PCDHGA6: variants seen among roughly 807,000 people sequenced by gnomAD.
PCDHGA6 encodes protocadherin gamma-A6.
A neutral mutation model predicts 60.6 loss-of-function variants in PCDHGA6; 41 were observed. That is an observed-to-expected ratio of 0.68 (90% CI 0.53 to 0.88). The LOEUF (loss-of-function observed/expected upper bound fraction) is 0.88. Among genes scored for constraint, PCDHGA6 ranks in the 40% least tolerant of loss-of-function variants. PCDHGA6 has a pLI of 0.00. For missense variants in PCDHGA6, 1,312 were observed against 1,203.0 expected (o/e 1.09, Z -1.34); for synonymous variants, 594 against 524.4 (o/e 1.13, Z -1.81).
chr5:141,418,081 C>T lies in PCDHGA6; in HGVS notation c.2424+41574C>T, dbSNP rs190197904. On this transcript the variant is annotated intron_variant, in intron 1 of 3. Transcript: ENST00000517434. Reference sequence around the variant, plus strand: ...TGCGAGTGAGCGCGGAGAAGCTGCACTTCAGCGTAGACGCGCAGAGCGGGG... The same window carrying T: ...TGCGAGTGAGCGCGGAGAAGCTGCATTTCAGCGTAGACGCGCAGAGCGGGG... 331 of 1,614,072 alleles carry T rather than the reference C, an allele frequency of 2.1e-4. 3 individuals are homozygous for T. The African/African-American group carries it at 4.0e-3, about 19-fold the overall frequency.
intron 1 of PCDHGA6, chr5:141,411,189 T>G (rs1222862554): frequency 6.6e-6 from 1 of 152,208 alleles, no homozygotes; most frequent in Non-Finnish European, 1.5e-5. Context: ...TCTTGGCATC[T>G]AAGAAAACAA....
chr5:141,389,323 G>A (rs1230521211), intron 1 of PCDHGA6: 1 of 1,613,862 alleles, frequency 6.2e-7, no homozygotes. Context: ...CCGGACTTGG[G>A]GCCCAACGGC....
At chr5:141,394,256 C>G in intron 1 of PCDHGA6, 1 of 1,613,942 alleles carries the variant, frequency 6.2e-7, no homozygotes, top group Non-Finnish European at 8.5e-7. Flanking sequence ...ACCCCGACAG[C>G]CAGGAGAATG....
chr5:141,394,189 C>G lies in PCDHGA6; in HGVS notation c.2424+17682C>G, dbSNP rs543330174. The stretch of plus-strand genomic sequence containing the variant: ...ACTTTCCCTCATGCCTCCTACTCAG[C>G]GTATATCCTAGAGAACAACCTGAGA... On this transcript the variant is annotated intron_variant, in intron 1 of 3. Coordinates refer to ENST00000517434, the MANE Select transcript of PCDHGA6 (RefSeq NM_018919.3). 4 of 1,613,892 alleles carry G rather than the reference C, an allele frequency of 2.5e-6. No homozygotes were observed. The East Asian group carries it at 6.7e-5, about 27-fold the overall frequency.
At position 141,476,396 on chromosome 5, in the gene PCDHGA6, C is replaced by A; in HGVS notation, c.2425-18411C>A. The A allele has an allele frequency of 6.2e-7, 1 of 1,614,032 alleles. No homozygotes were observed. Among genetic ancestry groups the A allele is most frequent in the Non-Finnish European group, 8.5e-7 (1 of 1,180,020 alleles). Reference sequence around the variant, plus strand: ...GATGTTTGTGAACGACCGTCTGGATCGAGAGGAGCTGTGTGGGACACTGCC... The same window carrying A: ...GATGTTTGTGAACGACCGTCTGGATAGAGAGGAGCTGTGTGGGACACTGCC... On this transcript the variant is annotated intron_variant, in intron 1 of 3. Transcript: ENST00000517434. The surrounding 1 kb of genome is among the most constrained non-coding windows in gnomAD (Gnocchi z 7.6).
At chr5:141,399,062 C>T in intron 1 of PCDHGA6, 1 of 1,613,790 alleles carries the variant, frequency 6.2e-7, no homozygotes, top group Non-Finnish European at 8.5e-7. Context: ...AAGGAATATT[C>T]AATGGTTGTA....
At chr5:141,420,530 A>G (rs1038635436) in intron 1 of PCDHGA6, 9 of 336,858 alleles carry the variant, frequency 2.7e-5, no homozygotes, top group African/African-American at 6.4e-5. Flanking sequence ...CCTTTCGGTT[A>G]AAAATATAAA....
chr5:141,389,524 G>A, intron 1 of PCDHGA6: 5 of 1,613,146 alleles, frequency 3.1e-6, no homozygotes, highest in South Asian at 1.1e-5. Context: ...GTGAGCCTGC[G>A]CGTGTTAGTG....
At position 141,511,855 on chromosome 5, in the gene PCDHGA6, ATTGT is replaced by A. The variant is rs2099883980; in HGVS notation, c.*686_*689del. ...GGACCAGTCTTCTGTTTTGTTTTTCATTGTTTGACGTTTCCACTGCATGCCTTGA... is the reference window on the plus strand; with the variant it reads ...GGACCAGTCTTCTGTTTTGTTTTTCATTGACGTTTCCACTGCATGCCTTGA... On this transcript the variant is annotated 3_prime_UTR_variant, in exon 4 of 4. Coordinates refer to ENST00000517434, the MANE Select transcript of PCDHGA6 (RefSeq NM_018919.3). 1 of 156,316 alleles carries A rather than the reference ATTGT, an allele frequency of 6.4e-6. No individual in the cohort carries two copies. Among genetic ancestry groups the A allele is most frequent in the South Asian group, 2.0e-4 (1 of 5,082 alleles). The allele number at this position is 156,316 out of a possible 1,614,324, so 9.7% of individuals were successfully genotyped here.
chr5:141,489,635 G>T lies in PCDHGA6; in HGVS notation c.2425-5172G>T, dbSNP rs1380466520. On this transcript the variant is annotated intron_variant, in intron 1 of 3. Coordinates refer to ENST00000517434, the MANE Select transcript of PCDHGA6 (RefSeq NM_018919.3). This position sits in a 1 kb window ranked among gnomAD's most constrained non-coding sequence, Gnocchi z 4.5. ...CTGGATCTCAATGACAACTCTCCTA[G>T]CTTTGCCACCCCTGAGCGAGAGATG... 1.2e-6 allele frequency: 2 copies of T among 1,614,024 alleles called. No homozygotes were observed. The highest frequency in any genetic ancestry group is 2.7e-5 in the African/African-American group (2 of 74,908).
chr5:141,383,349 T>C lies in PCDHGA6; in HGVS notation c.2424+6842T>C, dbSNP rs781308834. The C allele has an allele frequency of 1.1e-5, 18 of 1,613,856 alleles. No individual in the cohort carries two copies. The African/African-American group carries it at 2.4e-4, about 22-fold the overall frequency. On this transcript the variant is annotated intron_variant, in intron 1 of 3. Transcript: ENST00000517434. The stretch of plus-strand genomic sequence containing the variant: ...TAATGGAGAATACAGCTCCTGGGGT[T>C]CGGTTTCCGTTAAGCGAGGCTGGGG...
chr5:141,423,996 A>G (rs1164307988), intron 1 of PCDHGA6: 1 of 1,079,028 alleles, frequency 9.3e-7, no homozygotes, highest in African/African-American at 1.7e-5. Context: ...AATTTATTAT[A>G]TATAGATACA....
intron 1 of PCDHGA6, chr5:141,384,406 TC>T: frequency 6.2e-7 from 1 of 1,613,908 alleles, no homozygotes; most frequent in Non-Finnish European, 8.5e-7. Flanking sequence ...TCCAGTGTCC[TC>T]CTATGTCTCC....
intron 1 of PCDHGA6, chr5:141,415,739 GGTTTTTTTTT>G: frequency 6.9e-6 from 3 of 434,948 alleles, no homozygotes; most frequent in Middle Eastern, 6.4e-4. Context: ...TGTTTATTAA[GGTTTTTTTTT>G]TTTTTTTTTT....
rs367905789 is a variant in PCDHGA6 at position 141,487,335 on chromosome 5, G to A, written c.2425-7472G>A. 11 of 1,614,064 alleles carry A rather than the reference G, an allele frequency of 6.8e-6. No individual in the cohort carries two copies. The highest frequency in any genetic ancestry group is 8.5e-6 in the Non-Finnish European group (10 of 1,180,044). Reference sequence around the variant, plus strand: ...TCTAAGTGTCTTCGTGGGGCAGCCTGTGGAGTCACATGCTTTCCTGCTGGC... The same window carrying A: ...TCTAAGTGTCTTCGTGGGGCAGCCTATGGAGTCACATGCTTTCCTGCTGGC... On this transcript the variant is annotated intron_variant, in intron 1 of 3. Transcript: ENST00000517434. This position sits in a 1 kb window ranked among gnomAD's most constrained non-coding sequence, Gnocchi z 5.0.
At position 141,486,209 on chromosome 5, in the gene PCDHGA6, A is replaced by C. The variant is rs749965379; in HGVS notation, c.2425-8598A>C. On this transcript the variant is annotated intron_variant, in intron 1 of 3. Transcript: ENST00000517434. The surrounding 1 kb of genome is among the most constrained non-coding windows in gnomAD (Gnocchi z 5.0). ...AGTGGATCTGCTGGACGTAAATGAC[A>C]ATGCCCCTTACATCACAGTGACCTC... 1 of 1,614,080 alleles carries C rather than the reference A, an allele frequency of 6.2e-7. No homozygotes were observed. Among genetic ancestry groups the C allele is most frequent in the South Asian group, 1.1e-5 (1 of 91,078 alleles).
chr5:141,478,589 T>C, intron 1 of PCDHGA6: 2 of 1,573,336 alleles, frequency 1.3e-6, no homozygotes, highest in Non-Finnish European at 1.7e-6. Context: ...AGTGCTTTTT[T>C]ATTCCTACAT....
At position 141,430,859 on chromosome 5, in the gene PCDHGA6, T is replaced by G. The variant is rs770543752; in HGVS notation, c.2424+54352T>G. The stretch of plus-strand genomic sequence containing the variant: ...GACCGGATGCACCCAGATACGCTAT[T>G]CAGTTCCGGAAGAGCTGGAGAAAGG... On this transcript the variant is annotated intron_variant, in intron 1 of 3. Transcript: ENST00000517434. 5.0e-6 allele frequency: 8 copies of G among 1,592,398 alleles called. No homozygotes were observed. The East Asian group carries it at 1.6e-4, about 31-fold the overall frequency.
At chr5:141,450,998 T>C (rs2098703513) in intron 1 of PCDHGA6, among the ~76,000 whole-genome samples, 1 of 151,696 alleles carries the variant, frequency 6.6e-6, no homozygotes, top group Non-Finnish European at 1.5e-5. Flanking sequence ...CTAATTTTTT[T>C]GTATTTTTTT....
Sources: gnomAD v4.1 joint callset for allele counts (sites outside exome capture counted in the v4.1 genomes callset) on GRCh38, gnomAD v4.1.1 for gene constraint, Gnocchi (gnomAD v3.1) non-coding constraint, MANE v1.5 for transcripts, NCBI Gene and HGNC (gene_info 2026-07-23, HGNC 2026-07-21) for gene names.